The following RBFOX1 variants were observed in gnomAD, a reference collection of about 807,000 sequenced individuals.
RBFOX1 encodes RNA binding fox-1 homolog 1, also known as RNA binding protein fox-1 homolog 1.
In RBFOX1, 8 loss-of-function variants were observed where a neutral mutation model predicts 57.7. The ratio of observed to expected loss-of-function variants is 0.14; its 90% CI spans 0.08 to 0.25. The LOEUF (loss-of-function observed/expected upper bound fraction) is 0.25. Among genes scored for constraint, RBFOX1 ranks in the 10% least tolerant of loss-of-function variants. The pLI is 1.00. For synonymous variants in RBFOX1, 326 were observed against 222.4 expected, an observed-to-expected ratio of 1.47 and a Z score of -4.15; for missense variants, 611 against 548.5, an observed-to-expected ratio of 1.11 and a Z score of -1.14.
At chr16:6,661,863 T>A (rs1486616192) in intron 3 of RBFOX1, among the ~76,000 whole-genome samples, 2 of 152,356 alleles carry the variant, frequency 1.3e-5, no homozygotes, top group East Asian at 3.9e-4. Context: ...GAAGGACCTC[T>A]ATACTGTTGT....
chr16:6,657,626 C>T (rs1049652493), intron 3 of RBFOX1, among the ~76,000 whole-genome samples: 1 of 152,140 alleles, frequency 6.6e-6, no homozygotes, highest in Non-Finnish European at 1.5e-5. Flanking sequence ...TGTGTGTGTG[C>T]ATGTCCCTCT....
intron 14 of RBFOX1, among the ~76,000 whole-genome samples, chr16:7,700,747 C>A (rs1034641223): frequency 3.9e-5 from 6 of 152,160 alleles, no homozygotes; most frequent in Non-Finnish European, 7.3e-5. Flanking sequence ...GACTTACTTA[C>A]TGTGTCTTCT....
intron 3 of RBFOX1, among the ~76,000 whole-genome samples, chr16:6,970,189 AAAAG>A (rs559525107): frequency 1.2e-3 from 182 of 151,856 alleles, no homozygotes; most frequent in African/African-American, 3.9e-3. Flanking sequence ...AAAAAAATAA[AAAAG>A]AAAGAAACAA....
chr16:6,841,548 G>A (rs1013383606), intron 3 of RBFOX1, among the ~76,000 whole-genome samples: 5 of 152,156 alleles, frequency 3.3e-5, no homozygotes, highest in African/African-American at 4.8e-5. Flanking sequence ...AATGAGGCGA[G>A]TATTACCACA....
chr16:6,104,497 T>C (rs965219319), intron 1 of RBFOX1, among the ~76,000 whole-genome samples: 1 of 152,106 alleles, frequency 6.6e-6, no homozygotes, highest in East Asian at 1.9e-4. Context: ...CTTTAGAAAA[T>C]TTACAGTCTA....
At chr16:6,956,481 T>C (rs1381779079) in intron 3 of RBFOX1, among the ~76,000 whole-genome samples, 2 of 152,088 alleles carry the variant, frequency 1.3e-5, no homozygotes, top group Non-Finnish European at 2.9e-5. Flanking sequence ...CTCAAAGAGA[T>C]GGTATTGAAG....
At chr16:7,013,071 A>T (rs1172949846) in intron 3 of RBFOX1, among the ~76,000 whole-genome samples, 4 of 152,078 alleles carry the variant, frequency 2.6e-5, no homozygotes, top group Non-Finnish European at 4.4e-5. Context: ...CCTTATGAGG[A>T]TCTTACTTTT....
intron 3 of RBFOX1, among the ~76,000 whole-genome samples, chr16:6,782,843 A>G (rs2081260022): frequency 1.3e-5 from 2 of 152,132 alleles, no homozygotes; most frequent in African/African-American, 4.8e-5. Context: ...AGCATTCCCA[A>G]CTATCATTGT....
At chr16:5,756,223 CAAAAAAAAAAA>C (rs5815266) in intron 3 of RBFOX1, among the ~76,000 whole-genome samples, 7 of 50,950 alleles carry the variant, frequency 1.4e-4, no homozygotes, top group African/African-American at 3.5e-4. Context: ...TCCACATAAG[CAAAAAAAAAAA>C]AAAAAAAAAA....
chr16:7,418,837 T>A (rs1337531423), intron 4 of RBFOX1, among the ~76,000 whole-genome samples: 6 of 152,020 alleles, frequency 3.9e-5, no homozygotes. Context: ...TCTTCTCTCC[T>A]CTAAAGGAAG....
At chr16:6,935,336 G>T (rs2077188526) in intron 3 of RBFOX1, among the ~76,000 whole-genome samples, 1 of 152,106 alleles carries the variant, frequency 6.6e-6, no homozygotes, top group African/African-American at 2.4e-5. Context: ...CCTTCATAAA[G>T]TAGAGCCTCA....
At chr16:6,984,306 T>G (rs2089721133) in intron 3 of RBFOX1, among the ~76,000 whole-genome samples, 1 of 152,118 alleles carries the variant, frequency 6.6e-6, no homozygotes, top group Non-Finnish European at 1.5e-5. Flanking sequence ...CTAGAGAAAT[T>G]TGACCAGCCC....
At chr16:6,838,700 A>T (rs577827781) in intron 3 of RBFOX1, among the ~76,000 whole-genome samples, 12 of 152,110 alleles carry the variant, frequency 7.9e-5, no homozygotes, top group Non-Finnish European at 1.5e-4. Context: ...GCTAATCCCC[A>T]GTCTGGGGGC....
intron 3 of RBFOX1, among the ~76,000 whole-genome samples, chr16:6,666,741 G>T (rs1282735658): frequency 6.6e-6 from 1 of 152,056 alleles, no homozygotes; most frequent in East Asian, 1.9e-4. Flanking sequence ...GGTAAACGGT[G>T]ACTTACGAGA....
chr16:7,111,589 A>T (rs917699706), intron 4 of RBFOX1, among the ~76,000 whole-genome samples: 1 of 152,180 alleles, frequency 6.6e-6, no homozygotes, highest in African/African-American at 2.4e-5. Flanking sequence ...TTTAAACCAG[A>T]TAAAGCAGTG....
chr16:7,452,275 T>C lies in RBFOX1; in HGVS notation c.28-65872T>C, dbSNP rs188875294. ...TAATAGTCTATTTAGGGTAACAATG[T>C]AGCTTGACAATTTCCATGAAAAATA... On this transcript the variant is annotated intron_variant, in intron 4 of 15. Transcript: ENST00000550418. 1.6e-3 allele frequency among the ~76,000 whole-genome samples: 241 copies of C among 152,356 alleles called. 1 individual carries two copies. The highest frequency in any genetic ancestry group is 5.7e-3 in the African/African-American group (235 of 41,574).
intron 4 of RBFOX1, among the ~76,000 whole-genome samples, chr16:7,402,485 G>C (rs1171949756): frequency 6.6e-6 from 1 of 152,190 alleles, no homozygotes; most frequent in Non-Finnish European, 1.5e-5. Context: ...TCTGCCGAGA[G>C]ATAGGAGAAA....
intron 3 of RBFOX1, chr16:6,748,859 C>A (rs2154189404): frequency 6.6e-6 from 1 of 152,222 alleles, no homozygotes; most frequent in African/African-American, 2.4e-5. Context: ...CAGCAATGAG[C>A]AAGACTGATA....
chr16:5,442,405 A>G (rs1395587267), intron 1 of RBFOX1, among the ~76,000 whole-genome samples: 4 of 152,194 alleles, frequency 2.6e-5, no homozygotes, highest in Admixed American at 6.5e-5. Context: ...GCTCAATGTG[A>G]GCCTATCTGC....
Sources: gnomAD v4.1 joint callset for allele counts (sites outside exome capture counted in the v4.1 genomes callset) on GRCh38, gnomAD v4.1.1 for gene constraint, MANE v1.5 for transcripts, NCBI Gene and HGNC (gene_info 2026-07-23, HGNC 2026-07-21) for gene names.